The following FOXP1 variants were observed in gnomAD, a reference collection of about 807,000 sequenced individuals.
FOXP1 encodes the protein forkhead box P1, also known as forkhead box protein P1.
A neutral mutation model predicts 98.2 loss-of-function variants in FOXP1; 15 were observed. The observed-to-expected ratio is 0.15, with a 90% confidence interval of 0.10 to 0.24. FOXP1 has a LOEUF of 0.24. Among genes scored for constraint, FOXP1 ranks in the 10% least tolerant of loss-of-function variants. FOXP1 has a pLI of 1.00. For missense variants in FOXP1, 633 were observed against 848.5 expected (o/e 0.75, Z 3.15); for synonymous variants, 371 against 314.5 (o/e 1.18, Z -1.90).
intron 6 of FOXP1, among the ~76,000 whole-genome samples, chr3:71,165,389 T>C (rs2061352881): frequency 6.6e-6 from 1 of 152,212 alleles, no homozygotes; most frequent in Non-Finnish European, 1.5e-5. Context: ...AGGAGACCAA[T>C]TCTGCCAAAA....
At chr3:71,466,753 G>C (rs376932510) in intron 3 of FOXP1, among the ~76,000 whole-genome samples, 1 of 152,164 alleles carries the variant, frequency 6.6e-6, no homozygotes, top group African/African-American at 2.4e-5. Flanking sequence ...TCCGACCATC[G>C]GGAAGGTCAC....
At chr3:71,365,846 G>A (rs2078888759) in intron 3 of FOXP1, among the ~76,000 whole-genome samples, 1 of 152,176 alleles carries the variant, frequency 6.6e-6, no homozygotes, top group Admixed American at 6.5e-5. Context: ...AGCTGAGCGT[G>A]GTGGCGTGTG....
chr3:71,316,267 A>AAC (rs2075068474), intron 4 of FOXP1, among the ~76,000 whole-genome samples: 1 of 152,144 alleles, frequency 6.6e-6, no homozygotes, highest in Non-Finnish European at 1.5e-5. Context: ...AAGCCTCCTG[A>AAC]ACACACCCTT....
At chr3:71,425,317 G>C (rs2084053790) in intron 3 of FOXP1, among the ~76,000 whole-genome samples, 1 of 152,260 alleles carries the variant, frequency 6.6e-6, no homozygotes, top group African/African-American at 2.4e-5. Context: ...GTAGAGACAG[G>C]ATTTTACTAT....
chr3:71,451,549 A>G (rs2086959321), intron 3 of FOXP1, among the ~76,000 whole-genome samples: 1 of 152,014 alleles, frequency 6.6e-6, no homozygotes, highest in African/African-American at 2.4e-5. Flanking sequence ...TTTTTTTAAC[A>G]CCCCCAGTAA....
At chr3:71,053,397 C>T (rs1441699978) in intron 8 of FOXP1, among the ~76,000 whole-genome samples, 1 of 152,180 alleles carries the variant, frequency 6.6e-6, no homozygotes, top group East Asian at 1.9e-4. Flanking sequence ...CAGCCCTGAT[C>T]TCAGTCCATC....
At chr3:71,413,225 C>T (rs72959370) in intron 3 of FOXP1, among the ~76,000 whole-genome samples, 4 of 65,562 alleles carry the variant, frequency 6.1e-5, no homozygotes, top group Non-Finnish European at 8.5e-5. Flanking sequence ...ACACACACAC[C>T]CCCCCAAATA....
intron 2 of FOXP1, among the ~76,000 whole-genome samples, chr3:71,531,959 A>C (rs1447329022): frequency 6.6e-6 from 1 of 152,214 alleles, no homozygotes; most frequent in African/African-American, 2.4e-5. Flanking sequence ...CATTTATGCG[A>C]CTTCCACATG....
chr3:71,079,613 C>T (rs1439975965), intron 7 of FOXP1, among the ~76,000 whole-genome samples: 2 of 152,298 alleles, frequency 1.3e-5, no homozygotes, highest in African/African-American at 4.8e-5. Flanking sequence ...AACTGGGGTG[C>T]TATTGTTACT....
chr3:71,455,133 T>G (rs1577606030), intron 3 of FOXP1, among the ~76,000 whole-genome samples: 1 of 152,296 alleles, frequency 6.6e-6, no homozygotes, highest in South Asian at 2.1e-4. Flanking sequence ...AGGAAATGTG[T>G]GCATTCTCGG....
intron 3 of FOXP1, among the ~76,000 whole-genome samples, chr3:71,406,405 G>GTGTGTATATATATATATATATATATATA (rs1347753258): frequency 2.8e-5 from 3 of 105,948 alleles, no homozygotes; most frequent in Non-Finnish European, 6.7e-5. Flanking sequence ...AACTGTATGT[G>GTGTGTATATATATATATATATATATATA]TATATATATA....
At chr3:71,481,220 TTA>T (rs1297572697) in intron 3 of FOXP1, among the ~76,000 whole-genome samples, 3 of 152,230 alleles carry the variant, frequency 2.0e-5, no homozygotes, top group Non-Finnish European at 4.4e-5. Context: ...TTCTAATGCT[TTA>T]TGTGTGTTAA....
intron 6 of FOXP1, among the ~76,000 whole-genome samples, chr3:71,182,498 A>G (rs559244420): frequency 0.015 from 1,746 of 119,914 alleles, 40 homozygotes; most frequent in African/African-American, 0.058. Flanking sequence ...TGTAAACTAT[A>G]TATATGTGTG....
chr3:71,316,335 C>T (rs1035522393), intron 4 of FOXP1, among the ~76,000 whole-genome samples: 3 of 152,198 alleles, frequency 2.0e-5, no homozygotes, highest in South Asian at 2.1e-4. Context: ...TTCCCAGAGC[C>T]CTGCTCCAGG....
chr3:71,214,067 A>C (rs6786408), intron 5 of FOXP1, among the ~76,000 whole-genome samples: 77,195 of 152,094 alleles, frequency 0.51, 20,468 homozygotes, highest in East Asian at 0.83. Context: ...AGAAACAGCC[A>C]GAAGCTGGTG....
intron 5 of FOXP1, among the ~76,000 whole-genome samples, chr3:71,218,986 ATTAT>A (rs1483110867): frequency 1.3e-5 from 2 of 152,224 alleles, no homozygotes; most frequent in African/African-American, 4.8e-5. Context: ...TCAAACTGAA[ATTAT>A]TTATTTCTCC....
At chr3:71,332,599 T>C (rs532775653) in intron 4 of FOXP1, 19 of 152,400 alleles carry the variant, frequency 1.2e-4, no homozygotes, top group Non-Finnish European at 2.5e-4. Flanking sequence ...CCAGGCATGG[T>C]GGCACGTGCC....
chr3:70,984,391 T>C (rs1015224585), intron 14 of FOXP1, among the ~76,000 whole-genome samples: 5 of 152,212 alleles, frequency 3.3e-5, no homozygotes, highest in African/African-American at 9.6e-5. Context: ...AGCTTAGACA[T>C]CATTTCTCCC....
intron 2 of FOXP1, among the ~76,000 whole-genome samples, chr3:71,555,499 A>T (rs1046515233): frequency 2.0e-5 from 3 of 152,244 alleles, no homozygotes; most frequent in Non-Finnish European, 2.9e-5. Context: ...AATCTGAGAC[A>T]ATGCTAACCC....
Sources: allele counts gnomAD v4.1 joint callset (sites outside exome capture counted in the v4.1 genomes callset), GRCh38; gene constraint gnomAD v4.1.1; transcripts MANE v1.5; gene names NCBI Gene and HGNC (gene_info 2026-07-23, HGNC 2026-07-21).